The following NSL1 variants were observed in gnomAD, a reference collection of about 807,000 sequenced individuals.
The protein encoded by NSL1 is NSL1 component of MIS12 kinetochore complex.
Under a neutral mutation model 25.4 loss-of-function variants are expected in NSL1, and 11 were observed. That is an observed-to-expected ratio of 0.43 (90% CI 0.27 to 0.72). NSL1 has a LOEUF of 0.72. Among genes scored for constraint, NSL1 ranks in the 30% least tolerant of loss-of-function variants. The pLI, the probability that NSL1 is intolerant of heterozygous loss-of-function variation, is 0.19. For missense variants in NSL1, 330 were observed against 342.7 expected (o/e 0.96, Z 0.29); for synonymous variants, 118 against 120.6 (o/e 0.98, Z 0.14).
intron 4 of NSL1, among the ~76,000 whole-genome samples, chr1:212,744,427 C>T (rs996988614): frequency 6.6e-6 from 1 of 152,020 alleles, no homozygotes; most frequent in Non-Finnish European, 1.5e-5. Flanking sequence ...CTAGAGTTAC[C>T]ATATTAAAAT....
In NSL1 at chr1:212,727,295, G is replaced by A; in HGVS notation, c.*11113C>T. Reference sequence around the variant, plus strand: ...GCTGTTTCACAACCCTTTGTTCCAGGCAGGGCCCAGGATCCCCTTCCAAAT... The same window carrying A: ...GCTGTTTCACAACCCTTTGTTCCAGACAGGGCCCAGGATCCCCTTCCAAAT... On this transcript the variant is annotated 3_prime_UTR_variant, in exon 6 of 6. Coordinates refer to ENST00000366977, the MANE Select transcript of NSL1 (RefSeq NM_015471.4). The A allele has an allele frequency of 7.6e-7, 1 of 1,319,410 alleles. No homozygotes were observed. 81.7% of individuals were successfully genotyped at this position (1,319,410 alleles called of 1,614,324 possible).
intron 4 of NSL1, among the ~76,000 whole-genome samples, chr1:212,779,320 CGG>C (rs1660562317): frequency 7.3e-6 from 1 of 137,446 alleles, no homozygotes; most frequent in African/African-American, 2.7e-5. Flanking sequence ...CCGCCCCGTC[CGG>C]GAGGGAGGTG....
intron 4 of NSL1, among the ~76,000 whole-genome samples, chr1:212,750,244 A>T (rs560089885): frequency 2.0e-5 from 3 of 152,098 alleles, no homozygotes; most frequent in Non-Finnish European, 4.4e-5. Flanking sequence ...AGGGAACCGA[A>T]GGGAGAGGGA....
rs1558031678 is a variant in NSL1, at chr1:212,728,121, C to T, written c.*10287G>A. 1.0e-6 allele frequency: 1 copy of T among 968,080 alleles called. No homozygotes were observed. Among genetic ancestry groups the T allele is most frequent in the East Asian group, 1.1e-4 (1 of 8,724 alleles). The allele number at this position is 968,080 out of a possible 1,614,324, so 60.0% of individuals were successfully genotyped here. On this transcript the variant is annotated 3_prime_UTR_variant, in exon 6 of 6. Transcript: ENST00000366977. Reference sequence around the variant, plus strand: ...CTCATGAAATGGGCGTGGTAATAGCCCTTAATTCATGGATTGTCTTGAGGA... The same window carrying T: ...CTCATGAAATGGGCGTGGTAATAGCTCTTAATTCATGGATTGTCTTGAGGA...
In NSL1 at chr1:212,779,672, G is replaced by A. The variant is rs549351054; in HGVS notation, c.499+2700C>T. Among the ~76,000 whole-genome samples, 116 of 112,990 alleles carry A rather than the reference G, an allele frequency of 1.0e-3. 9 individuals carry two copies. The highest frequency in any genetic ancestry group is 2.8e-3 in the African/African-American group (81 of 28,578). 74.1% of individuals were successfully genotyped at this position (112,990 alleles called of 152,430 possible). A position where few individuals can be genotyped will look rare whatever the true frequency, so the allele number is the denominator to read the frequency against. On this transcript the variant is annotated intron_variant, in intron 4 of 5. Coordinates refer to ENST00000366977, the MANE Select transcript of NSL1 (RefSeq NM_015471.4). ...AGGTGAGGGGCGCCTCTGCCTGGCC[G>A]CCCCTACTGGGAAGTGAGGAGCCCC...
chr1:212,766,914 C>T (rs1659846888), intron 4 of NSL1, among the ~76,000 whole-genome samples: 1 of 152,114 alleles, frequency 6.6e-6, no homozygotes, highest in South Asian at 2.1e-4. Context: ...AGGAAAACTA[C>T]AAAACACTGC....
At chr1:212,787,880 T>C (rs1031069336) in intron 1 of NSL1, among the ~76,000 whole-genome samples, 2 of 152,104 alleles carry the variant, frequency 1.3e-5, no homozygotes, top group African/African-American at 4.8e-5. Context: ...GGAATATTCT[T>C]ATAAACAAAC....
At chr1:212,782,981 CA>C (rs2102402424) in intron 3 of NSL1, among the ~76,000 whole-genome samples, 1 of 152,106 alleles carries the variant, frequency 6.6e-6, no homozygotes, top group East Asian at 1.9e-4. Flanking sequence ...CAGCAGAAGC[CA>C]AAAAGGTTAA....
chr1:212,749,868 A>G (rs1257492735), intron 4 of NSL1, among the ~76,000 whole-genome samples: 3 of 151,144 alleles, frequency 2.0e-5, no homozygotes, highest in Non-Finnish European at 4.4e-5. Context: ...TTATAAACAT[A>G]TTTTAACAAA....
chr1:212,771,900 T>C (rs1259920968), intron 4 of NSL1, among the ~76,000 whole-genome samples: 19 of 152,306 alleles, frequency 1.2e-4, no homozygotes, highest in African/African-American at 4.6e-4. Flanking sequence ...CCAAATCTCA[T>C]CTTGAATTGT....
Position 212,737,224 on chromosome 1 carries a change from A to C in NSL1, c.*1184T>G, listed in dbSNP as rs1658262927. 1.0e-6 allele frequency: 1 copy of C among 985,250 alleles called. No individual in the cohort carries two copies. Among genetic ancestry groups the C allele is most frequent in the Admixed American group, 6.1e-5 (1 of 16,272 alleles). The allele number at this position is 985,250 out of a possible 1,614,324, so 61.0% of individuals were successfully genotyped here. On this transcript the variant is annotated 3_prime_UTR_variant, in exon 6 of 6. Coordinates refer to ENST00000366977, the MANE Select transcript of NSL1 (RefSeq NM_015471.4). Reference sequence around the variant, plus strand: ...AGCTGTGTACAAATATACAGATCTCAAACTGTAACACTGAAACACAAAATG... The same window carrying C: ...AGCTGTGTACAAATATACAGATCTCCAACTGTAACACTGAAACACAAAATG...
chr1:212,735,304 T>C lies in NSL1; in HGVS notation c.*3104A>G. On this transcript the variant is annotated 3_prime_UTR_variant, in exon 6 of 6. Coordinates refer to ENST00000366977, the MANE Select transcript of NSL1 (RefSeq NM_015471.4). ...CTGTGCTCTTAAGATCTCTGACTTT[T>C]GATCCGAGTAGGTGTCCAACTGTAT... 1.0e-6 allele frequency: 1 copy of C among 985,374 alleles called. No homozygotes were observed. 61.0% of individuals were successfully genotyped at this position (985,374 alleles called of 1,614,324 possible).
At position 212,730,073 on chromosome 1, in the gene NSL1, A is replaced by G; in HGVS notation, c.*8335T>C. The G allele has an allele frequency of 1.2e-6, 1 of 843,642 alleles. No individual in the cohort carries two copies. The highest frequency in any genetic ancestry group is 5.4e-5 in the South Asian group (1 of 18,392). 52.3% of individuals were successfully genotyped at this position (843,642 alleles called of 1,614,324 possible). The stretch of plus-strand genomic sequence containing the variant: ...CGAGACCAGCCTGACCAACATGGCA[A>G]AACCTCATCTCTATAAAAATGCAAA... On this transcript the variant is annotated 3_prime_UTR_variant, in exon 6 of 6. Transcript: ENST00000366977.
chr1:212,738,302 A>C lies in NSL1; in HGVS notation c.*106T>G. ...ATCTGTATAAATGAATCACTAGTAA[A>C]AGAGTTATTTCTTATTTCAAATGAA... On this transcript the variant is annotated 3_prime_UTR_variant, in exon 6 of 6. Coordinates refer to ENST00000366977, the MANE Select transcript of NSL1 (RefSeq NM_015471.4). The C allele has an allele frequency of 6.7e-7, 1 of 1,496,764 alleles. No individual in the cohort carries two copies. The highest frequency in any genetic ancestry group is 8.9e-7 in the Non-Finnish European group (1 of 1,127,814). The allele number at this position is 1,496,764 out of a possible 1,614,324, so 92.7% of individuals were successfully genotyped here.
chr1:212,777,610 G>T (rs999765265), intron 4 of NSL1, among the ~76,000 whole-genome samples: 1 of 152,138 alleles, frequency 6.6e-6, no homozygotes, highest in African/African-American at 2.4e-5. Flanking sequence ...TTATGGATAT[G>T]TATCTATAAA....
Position 212,731,014 on chromosome 1 carries a change from A to G in NSL1, c.*7394T>C, listed in dbSNP as rs1049332472. The G allele has an allele frequency of 6.1e-5, 60 of 985,290 alleles. No homozygotes were observed. Among genetic ancestry groups the G allele is most frequent in the Non-Finnish European group, 7.1e-5 (59 of 829,936 alleles). 61.0% of individuals were successfully genotyped at this position (985,290 alleles called of 1,614,324 possible). ...GAGCAATGTAGAGACACAGCAACGA[A>G]TTACAAGGGATTCTTTACCCCTGAA... On this transcript the variant is annotated 3_prime_UTR_variant, in exon 6 of 6. Transcript: ENST00000366977.
At chr1:212,779,826 G>T (rs981295648) in intron 4 of NSL1, among the ~76,000 whole-genome samples, 2 of 145,308 alleles carry the variant, frequency 1.4e-5, no homozygotes, top group African/African-American at 5.1e-5. Context: ...GTCCGGGAGG[G>T]AGGTGGGGGG....
intron 4 of NSL1, among the ~76,000 whole-genome samples, chr1:212,776,118 A>G (rs966321135): frequency 4.6e-5 from 7 of 152,164 alleles, no homozygotes; most frequent in Non-Finnish European, 8.8e-5. Flanking sequence ...CCCAGCCCGT[A>G]AATTGTGTTT....
intron 4 of NSL1, among the ~76,000 whole-genome samples, chr1:212,780,799 C>T (rs1660702376): frequency 6.6e-6 from 1 of 152,006 alleles, no homozygotes; most frequent in Non-Finnish European, 1.5e-5. Context: ...ACAATATATC[C>T]TTATAAACTA....
Sources: allele counts gnomAD v4.1 joint callset (sites outside exome capture counted in the v4.1 genomes callset), GRCh38; gene constraint gnomAD v4.1.1; transcripts MANE v1.5; gene names NCBI Gene and HGNC (gene_info 2026-07-23, HGNC 2026-07-21).